Variants in FBN1 observed in about 807,000 individuals in gnomAD.
FBN1 encodes fibrillin 1.
A neutral mutation model predicts 365.1 loss-of-function variants in FBN1; 29 were observed. The ratio of observed to expected loss-of-function variants is 0.08; its 90% confidence interval spans 0.06 to 0.11. The LOEUF (loss-of-function observed/expected upper bound fraction) is 0.11. Among genes scored for constraint, FBN1 ranks in the 10% least tolerant of loss-of-function variants. The pLI is 1.00. For synonymous variants in FBN1, 1,210 were observed against 1,270.5 expected, an observed-to-expected ratio of 0.95 and a Z score of 1.01; for missense variants, 2,476 against 3,703.2, an observed-to-expected ratio of 0.67 and a Z score of 8.60.
At chr15:48,549,719 GTAAC>G (rs2044126357) in intron 6 of FBN1, among the ~76,000 whole-genome samples, 1 of 151,766 alleles carries the variant, frequency 6.6e-6, no homozygotes, top group Non-Finnish European at 1.5e-5. Context: ...TTAAAAAGAA[GTAAC>G]TAATAAGAAT....
At chr15:48,485,341 G>A in intron 30 of FBN1, 33 bp downstream of exon 30, 1 of 1,614,032 alleles carries the variant, frequency 6.2e-7, no homozygotes, top group Non-Finnish European at 8.5e-7. Flanking sequence ...GGAACCTACT[G>A]AGAGATTCAA....
Position 48,481,752 on chromosome 15 carries a change from A to G in FBN1, c.3867T>C (p.Asn1289=). The part of the protein sequence containing the change: ...VDVNECDLNP[N]ICLSGTCENT... ...TTTCACAGGTCCCACTTAGGCAGAT[A>G]TTTGGATTCAGGTCACACTCATTGA... Residue 1289 remains asparagine, a synonymous_variant, in exon 32 of 66, where the codon AAT becomes AAC. Transcript: ENST00000316623. The G allele has an allele frequency of 6.2e-7, 1 of 1,613,698 alleles. No homozygotes were observed. The highest frequency in any genetic ancestry group is 8.5e-7 in the Non-Finnish European group (1 of 1,179,622).
intron 13 of FBN1, among the ~76,000 whole-genome samples, chr15:48,511,942 A>G (rs191592591): frequency 6.6e-6 from 1 of 152,272 alleles, no homozygotes; most frequent in East Asian, 1.9e-4. Flanking sequence ...TGTTATTGCA[A>G]AATGCCTAGT....
At chr15:48,456,248 G>C (rs1006442191) in intron 44 of FBN1, among the ~76,000 whole-genome samples, 3 of 152,220 alleles carry the variant, frequency 2.0e-5, no homozygotes, top group African/African-American at 7.2e-5. Flanking sequence ...CTTGGGAGTA[G>C]CAAAGTCTCT....
At position 48,465,777 on chromosome 15, in the gene FBN1, G is replaced by A; in HGVS notation, c.4816+13C>T. On this transcript the variant is annotated intron_variant, in intron 39 of 65. Coordinates refer to ENST00000316623, the MANE Select transcript of FBN1 (RefSeq NM_000138.5). ...AAGTTGTGTGTGCTTTAAGACAAAG[G>A]AAACACAATTACCTTCCAATATAAC... is the stretch of plus-strand genomic sequence containing the variant. 6.2e-7 allele frequency: 1 copy of A among 1,612,418 alleles called. No individual in the cohort carries two copies. Among genetic ancestry groups the A allele is most frequent in the South Asian group, 1.1e-5 (1 of 91,018 alleles).
intron 53 of FBN1, among the ~76,000 whole-genome samples, chr15:48,435,117 T>C (rs1178581421): frequency 2.6e-5 from 4 of 152,108 alleles, no homozygotes; most frequent in Admixed American, 2.6e-4. Flanking sequence ...TGTTTAATTC[T>C]CATTCTGTTC....
At position 48,437,055 on chromosome 15, in the gene FBN1, G is replaced by A. The variant is rs772439885; in HGVS notation, c.6402C>T (p.Pro2134=). The A allele has an allele frequency of 1.1e-5, 17 of 1,612,368 alleles. No homozygotes were observed. The highest frequency in any genetic ancestry group is 2.2e-5 in the South Asian group (2 of 91,060). The change falls in exon 53 of 66, where the codon CCC becomes CCT. Residue 2134 remains proline, a synonymous_variant. Coordinates refer to ENST00000316623, the MANE Select transcript of FBN1 (RefSeq NM_000138.5). ...SAVDMDECKE[P]DVCKHGQCIN... ...TGCACTGTCCATGTTTACAGACATC[G>A]GGTTCTTTGCATTCGTCCATATCTT...
chr15:48,592,357 T>G (rs143323341), intron 6 of FBN1, among the ~76,000 whole-genome samples: 97 of 152,286 alleles, frequency 6.4e-4, no homozygotes, highest in African/African-American at 2.2e-3. Context: ...TTCACTGTGT[T>G]TAATACAAAG....
chr15:48,446,687 C>T lies in FBN1; in HGVS notation c.5788+19G>A, dbSNP rs758996081. On this transcript the variant is annotated intron_variant, in intron 47 of 65. Coordinates refer to ENST00000316623, the MANE Select transcript of FBN1 (RefSeq NM_000138.5). ...ATAAAACTGACTTCCTTTGCTGATG[C>T]ACAATTTTGCACACGCACCTATACA... is the stretch of plus-strand genomic sequence containing the variant. The T allele has an allele frequency of 1.1e-4, 163 of 1,462,962 alleles. 2 individuals are homozygous for T. The highest frequency in any genetic ancestry group is 1.0e-3 in the South Asian group (92 of 88,170). 90.6% of individuals were successfully genotyped at this position (1,462,962 alleles called of 1,614,324 possible). A position where few individuals can be genotyped will look rare whatever the true frequency, so the allele number is the denominator to read the frequency against.
At chr15:48,485,589 C>T (rs2043500078) in intron 29 of FBN1, 93 bp from the exon 30 acceptor site, 6 of 1,396,308 alleles carry the variant, frequency 4.3e-6, no homozygotes, top group African/African-American at 2.8e-5. Context: ...CATTGTAACA[C>T]TATTTAAGAG....
rs551162566 is a variant in FBN1 at position 48,437,040 on chromosome 15, A to G, written c.6417T>C (p.His2139=). The G allele has an allele frequency of 5.0e-6, 8 of 1,613,328 alleles. No homozygotes were observed. The highest frequency in any genetic ancestry group is 6.8e-6 in the Non-Finnish European group (8 of 1,179,514). ...AACCATCTGTATTGATGCACTGTCC[A>G]TGTTTACAGACATCGGGTTCTTTGC... ...DECKEPDVCK[H]GQCINTDGSY... is the part of the protein sequence containing the mutation. Residue 2139 remains histidine (H), a synonymous_variant, in exon 53 of 66, where the codon CAT becomes CAC. Transcript: ENST00000316623.
chr15:48,639,307 T>A (rs1487502034), intron 2 of FBN1, among the ~76,000 whole-genome samples: 1 of 152,220 alleles, frequency 6.6e-6, no homozygotes, highest in Non-Finnish European at 1.5e-5. Flanking sequence ...GAGGATTCAA[T>A]GAATTATCAT....
At chr15:48,543,391 C>T (rs1037515531) in intron 6 of FBN1, among the ~76,000 whole-genome samples, 1 of 152,202 alleles carries the variant, frequency 6.6e-6, no homozygotes, top group Non-Finnish European at 1.5e-5. Flanking sequence ...CAAAAGTCAA[C>T]TCTTGATTCA....
intron 10 of FBN1, among the ~76,000 whole-genome samples, chr15:48,517,051 G>C (rs539058171): frequency 9.2e-5 from 14 of 152,306 alleles, no homozygotes; most frequent in African/African-American, 3.1e-4. Context: ...ATGACTCCTA[G>C]TTTTCTGGTT....
At chr15:48,465,124 T>C (rs1317021659) in intron 40 of FBN1, among the ~76,000 whole-genome samples, 3 of 152,154 alleles carry the variant, frequency 2.0e-5, no homozygotes, top group African/African-American at 7.2e-5. Context: ...ACTCATAGCA[T>C]AAAGCCAAAG....
intron 55 of FBN1, among the ~76,000 whole-genome samples, chr15:48,431,205 C>A (rs907306349): frequency 4.6e-5 from 7 of 152,106 alleles, no homozygotes; most frequent in Admixed American, 2.0e-4. Context: ...TCAAGTGATT[C>A]TCATACCTCA....
At chr15:48,628,393 CTTT>C (rs1489902138) in intron 2 of FBN1, among the ~76,000 whole-genome samples, 1 of 152,014 alleles carries the variant, frequency 6.6e-6, no homozygotes, top group Non-Finnish European at 1.5e-5. Context: ...CAGATATCTT[CTTT>C]ATTACCCTCA....
At chr15:48,587,581 G>A (rs2044447291) in intron 6 of FBN1, among the ~76,000 whole-genome samples, 1 of 152,136 alleles carries the variant, frequency 6.6e-6, no homozygotes, top group Admixed American at 6.5e-5. Flanking sequence ...GTCAATACAA[G>A]CCTCTAAATC....
intron 2 of FBN1, among the ~76,000 whole-genome samples, chr15:48,615,811 A>C (rs1889640574): frequency 6.6e-6 from 1 of 152,226 alleles, no homozygotes; most frequent in African/African-American, 2.4e-5. Context: ...CCATCTTTCA[A>C]AGCAAGAAAC....
Sources: allele counts gnomAD v4.1 joint callset (sites outside exome capture counted in the v4.1 genomes callset), GRCh38; gene constraint gnomAD v4.1.1; transcripts MANE v1.5; gene names NCBI Gene and HGNC (gene_info 2026-07-23, HGNC 2026-07-21).